TRIM49B: variants seen among roughly 807,000 people sequenced by gnomAD.
The protein encoded by TRIM49B is tripartite motif containing 49B.
In TRIM49B, 18 loss-of-function variants were observed where a neutral mutation model predicts 31.8. The observed-to-expected ratio is 0.57, with a 90% confidence interval of 0.39 to 0.84. TRIM49B has a LOEUF of 0.84. TRIM49B is among the 40% of genes least tolerant of loss of function. The pLI, the probability that TRIM49B is intolerant of heterozygous loss-of-function variation, is 0.00. For missense variants in TRIM49B, 494 were observed against 538.7 expected, an observed-to-expected ratio of 0.92 and a Z score of 0.82; for synonymous variants, 196 against 180.6, an observed-to-expected ratio of 1.09 and a Z score of -0.68.
At chr11:49,031,486 T>C in intron 1 of TRIM49B, 110 bp from the exon 2 acceptor site, 2 of 1,521,684 alleles carry the variant, frequency 1.3e-6, no homozygotes, top group Non-Finnish European at 1.8e-6. Context: ...TTGTTGTACT[T>C]TAATGAACAC....
rs1449019602 is a variant in TRIM49B, at chr11:49,028,974, G to A, written c.-6G>A. On this transcript the variant is annotated splice_region_variant and 5_prime_UTR_variant, in exon 1 of 7. Coordinates refer to ENST00000332682, the MANE Select transcript of TRIM49B (RefSeq NM_001206626.2). ...TGTGGGAACCATTAAAAGAACTCAG[G>A]GGTGAGTGAAACATATTGATAAAAT... is the stretch of plus-strand genomic sequence containing the variant. 1.3e-5 allele frequency: 2 copies of A among 148,922 alleles called. No individual in the cohort carries two copies. Among genetic ancestry groups the A allele is most frequent in the African/African-American group, 5.4e-5 (2 of 37,184 alleles). The allele number at this position is 148,922 out of a possible 1,614,324, so 9.2% of individuals were successfully genotyped here.
chr11:49,032,359 C>T lies in TRIM49B; in HGVS notation c.495C>T (p.Thr165=). 5 of 1,613,172 alleles carry T rather than the reference C, an allele frequency of 3.1e-6. No homozygotes were observed. The highest frequency in any genetic ancestry group is 4.2e-6 in the Non-Finnish European group (5 of 1,179,630). Residue 165 remains threonine, a synonymous_variant, in exon 3 of 7, where the codon ACC becomes ACT. Transcript: ENST00000332682. ...HRNLNVETTR[T]RCWKDYVNLR... is the part of the protein sequence containing the mutation. Reference sequence around the variant, plus strand: ...ACCTGAATGTGGAAACCACCAGAACCAGATGCTGGAAGGTTAGTCCTGTAC... The same window carrying T: ...ACCTGAATGTGGAAACCACCAGAACTAGATGCTGGAAGGTTAGTCCTGTAC...
chr11:49,030,351 CA>C (rs61403617), intron 1 of TRIM49B, among the ~76,000 whole-genome samples: 122,668 of 151,954 alleles, frequency 0.81, 49,835 homozygotes, highest in African/African-American at 0.83. Flanking sequence ...AAAAGAAAAA[CA>C]AAAAAAACTA....
chr11:49,037,962 C>T lies in TRIM49B; in HGVS notation c.1344C>T (p.Cys448=), dbSNP rs755319241. Residue 448 remains cysteine (C), a synonymous_variant, in exon 7 of 7, where the codon TGC becomes TGT. Coordinates refer to ENST00000332682, the MANE Select transcript of TRIM49B (RefSeq NM_001206626.2). ...SFSPPLRPIF[C]CIHF is the part of the protein sequence containing the mutation. Reference sequence around the variant, plus strand: ...CACCTCCTCTCAGGCCTATCTTTTGCTGTATTCACTTCTGACCAGAGACAA... The same window carrying T: ...CACCTCCTCTCAGGCCTATCTTTTGTTGTATTCACTTCTGACCAGAGACAA... 1.9e-6 allele frequency: 3 copies of T among 1,610,864 alleles called. No individual in the cohort carries two copies. Among genetic ancestry groups the T allele is most frequent in the South Asian group, 2.2e-5 (2 of 90,872 alleles).
intron 6 of TRIM49B, among the ~76,000 whole-genome samples, chr11:49,037,241 G>C (rs1169773251): frequency 1.3e-5 from 2 of 151,772 alleles, no homozygotes; most frequent in African/African-American, 4.8e-5. Context: ...TTTGAAAATT[G>C]GATTGAAAGA....
At position 49,037,468 on chromosome 11, in the gene TRIM49B, T is replaced by C. The variant is rs758912492; in HGVS notation, c.860-10T>C. ...TACACGTCTATGCATGTTTTCTCTT[T>C]TTTTTGCAGTGCATATTACTCTGCA... On this transcript the variant is annotated splice_polypyrimidine_tract_variant and intron_variant, in intron 6 of 6. Transcript: ENST00000332682. The C allele has an allele frequency of 6.2e-7, 1 of 1,606,960 alleles. No homozygotes were observed. Among genetic ancestry groups the C allele is most frequent in the Non-Finnish European group, 8.5e-7 (1 of 1,177,688 alleles).
chr11:49,030,955 T>C (rs1333455514), intron 1 of TRIM49B, among the ~76,000 whole-genome samples: 1 of 138,942 alleles, frequency 7.2e-6, no homozygotes, highest in East Asian at 2.1e-4. Context: ...GAACCTTGAT[T>C]GGTTTAATTG....
chr11:49,030,923 A>G (rs950709074), intron 1 of TRIM49B, among the ~76,000 whole-genome samples: 2 of 151,886 alleles, frequency 1.3e-5, no homozygotes, highest in African/African-American at 4.8e-5. Context: ...TATCTTTAAT[A>G]ATTTTTCTTT....
At chr11:49,034,991 G>A (rs1032761649) in intron 4 of TRIM49B, 104 bp from the exon 5 acceptor site, 7 of 1,557,318 alleles carry the variant, frequency 4.5e-6, no homozygotes, top group African/African-American at 4.1e-5. Context: ...GAAGATGGTA[G>A]GGGAATAATA....
rs185106141 is a variant in TRIM49B at position 49,031,963 on chromosome 11, C to T, written c.364C>T (p.Arg122Trp). The change falls in exon 2 of 7, where the codon CGG (arginine) becomes TGG (tryptophan). Residue 122 changes from arginine to tryptophan, a missense_variant. Physicochemically the swap from Arg to Trp is moderately radical, Grantham distance 101. Transcript: ENST00000332682. ...CLLCSSSQEH[R>W]DHRHCPIESA... is the part of the protein sequence containing the mutation. Reference sequence around the variant, plus strand: ...GCTGTGCTCCAGCTCTCAGGAGCACCGGGATCACAGACACTGTCCCATTGA... The same window carrying T: ...GCTGTGCTCCAGCTCTCAGGAGCACTGGGATCACAGACACTGTCCCATTGA... 12 of 1,611,962 alleles carry T rather than the reference C, an allele frequency of 7.4e-6. No homozygotes were observed. In the Admixed American group the frequency reaches 8.3e-5, roughly 11 times the overall value.
At chr11:49,036,859 TA>T in intron 6 of TRIM49B, among the ~76,000 whole-genome samples, 1 of 152,306 alleles carries the variant, frequency 6.6e-6, no homozygotes, top group African/African-American at 2.4e-5. Flanking sequence ...ACATTTGAAT[TA>T]ATAGGTAAAG....
intron 6 of TRIM49B, 28 bp from the exon 7 acceptor site, chr11:49,037,450 C>G: frequency 6.3e-7 from 1 of 1,598,044 alleles, no homozygotes; most frequent in Non-Finnish European, 8.5e-7. Context: ...ATTTACACGT[C>G]TATGCATGTT....
At position 49,038,102 on chromosome 11, in the gene TRIM49B, T is replaced by C. The variant is rs1245837988; in HGVS notation, c.*125T>C. 8.4e-6 allele frequency: 13 copies of C among 1,538,550 alleles called. No homozygotes were observed. The highest frequency in any genetic ancestry group is 1.1e-5 in the Non-Finnish European group (13 of 1,149,886). On this transcript the variant is annotated 3_prime_UTR_variant, in exon 7 of 7. Coordinates refer to ENST00000332682, the MANE Select transcript of TRIM49B (RefSeq NM_001206626.2). ...TTTTATATCTTGAATTGCCTTCTAA[T>C]GTTATCAAAACTCATTTATTGTGTT...
intron 3 of TRIM49B, 105 bp downstream of exon 3, chr11:49,032,476 TA>T (rs71454041): frequency 0.73 from 1,008,510 of 1,383,892 alleles, 349,275 homozygotes; most frequent in African/African-American, 0.79. Context: ...TGGGATTCAG[TA>T]AAAAAAAAAG....
Position 49,034,253 on chromosome 11 carries a change from G to GA in TRIM49B, c.618dup (p.Asp207ArgfsTer10), listed in dbSNP as rs1565092437. On this transcript the variant is annotated frameshift_variant, in exon 4 of 7. Coordinates refer to ENST00000332682, the MANE Select transcript of TRIM49B (RefSeq NM_001206626.2). LOFTEE classifies it high-confidence loss of function. ...ATTTGGAGATGCTGAAAAAGAAGGG[G>GA]AAAGATATTTTTCATCGACTTCATT... 6.2e-7 allele frequency: 1 copy of GA among 1,611,826 alleles called. No individual in the cohort carries two copies. The highest frequency in any genetic ancestry group is 1.3e-5 in the African/African-American group (1 of 74,850).
intron 6 of TRIM49B, 74 bp from the exon 7 acceptor site, chr11:49,037,404 T>C: frequency 6.7e-7 from 1 of 1,493,230 alleles, no homozygotes; most frequent in Non-Finnish European, 8.9e-7. Context: ...CATTTGCTGG[T>C]AAAGTAACTT....
At position 49,037,729 on chromosome 11, in the gene TRIM49B, A is replaced by T; in HGVS notation, c.1111A>T (p.Ile371Leu). 3 of 1,613,920 alleles carry T rather than the reference A, an allele frequency of 1.9e-6. No homozygotes were observed. The highest frequency in any genetic ancestry group is 1.7e-6 in the Non-Finnish European group (2 of 1,179,834). Residue 371 changes from isoleucine to leucine, a missense_variant, in exon 7 of 7, where the codon ATA becomes TTA. Ile to Leu is a conservative substitution (Grantham distance 5, BLOSUM62 2). Transcript: ENST00000332682. Reference sequence around the variant, plus strand: ...GAAAGAGAAGAATCAGAATGAGAAGATAGATGGAGAGGATGGACTCTTTCT... The same window carrying T: ...GAAAGAGAAGAATCAGAATGAGAAGTTAGATGGAGAGGATGGACTCTTTCT... ...YWKEKNQNEK[I>L]DGEDGLFLLG...
chr11:49,031,513 T>A, intron 1 of TRIM49B, 83 bp from the exon 2 acceptor site: 1 of 1,554,976 alleles, frequency 6.4e-7, no homozygotes, highest in Admixed American at 2.1e-5. Flanking sequence ...GAGAAGAAAA[T>A]ATAACTATCA....
rs754429463 is a variant in TRIM49B at position 49,037,722 on chromosome 11, T to A, written c.1104T>A (p.Asn368Lys). The change falls in exon 7 of 7, where the codon AAT becomes AAA. Residue 368 changes from asparagine (N) to lysine (K), a missense_variant. Coordinates refer to ENST00000332682, the MANE Select transcript of TRIM49B (RefSeq NM_001206626.2). The part of the protein sequence containing the change: ...CNMYWKEKNQ[N>K]EKIDGEDGLF... ...TGTATTGGAAAGAGAAGAATCAGAATGAGAAGATAGATGGAGAGGATGGAC... is the reference window on the plus strand; with the variant it reads ...TGTATTGGAAAGAGAAGAATCAGAAAGAGAAGATAGATGGAGAGGATGGAC... 2.5e-6 allele frequency: 4 copies of A among 1,613,824 alleles called. No individual in the cohort carries two copies. The highest frequency in any genetic ancestry group is 3.4e-6 in the Non-Finnish European group (4 of 1,179,872).
Sources: allele counts gnomAD v4.1 joint callset (sites outside exome capture counted in the v4.1 genomes callset), GRCh38; gene constraint gnomAD v4.1.1; transcripts MANE v1.5; gene names NCBI Gene and HGNC (gene_info 2026-07-23, HGNC 2026-07-21).